The following GCNT1 variants were observed in gnomAD, a reference collection of about 807,000 sequenced individuals.
The protein encoded by GCNT1 is glucosaminyl (N-acetyl) transferase 1, also known as beta-1,3-galactosyl-O-glycosyl-glycoprotein beta-1,6-N-acetylglucosaminyltransferase.
A neutral mutation model predicts 26.2 loss-of-function variants in GCNT1; 16 were observed. The ratio of observed to expected loss-of-function variants is 0.61; its 90% CI spans 0.41 to 0.93. The LOEUF is 0.93. Ranked by LOEUF, GCNT1 falls within the 40% of genes least tolerant of loss-of-function variation. The pLI is 0.00. For synonymous variants in GCNT1, 183 were observed against 190.8 expected, an observed-to-expected ratio of 0.96 and a Z score of 0.34; for missense variants, 477 against 526.7, an observed-to-expected ratio of 0.91 and a Z score of 0.92.
intron 1 of GCNT1, among the ~76,000 whole-genome samples, chr9:76,446,767 G>A (rs1018387231): frequency 9.2e-5 from 14 of 152,132 alleles, no homozygotes; most frequent in African/African-American, 2.7e-4. Context: ...TTTTCCAAAC[G>A]TGTTAAGTGA....
intron 1 of GCNT1, among the ~76,000 whole-genome samples, chr9:76,427,499 CAG>C (rs1487569265): frequency 2.0e-5 from 3 of 151,962 alleles, no homozygotes; most frequent in Non-Finnish European, 4.4e-5. Flanking sequence ...ATACTTCTGA[CAG>C]GGGTATAAAT....
the GCNT1 span, chr9:76,393,977 G>A: frequency 2.1e-6 from 2 of 953,036 alleles, no homozygotes; most frequent in Non-Finnish European, 3.1e-6. Context: ...GGAAGGGTGT[G>A]CTCTCTGCCC....
chr9:76,437,067 C>A (rs1246827557), upstream of GCNT1, among the ~76,000 whole-genome samples: 4 of 151,692 alleles, frequency 2.6e-5, no homozygotes, highest in Admixed American at 1.3e-4. Flanking sequence ...TGTAGCAAAC[C>A]TGCACATTGT....
intron 1 of GCNT1, among the ~76,000 whole-genome samples, chr9:76,431,810 A>T (rs528164018): frequency 6.6e-6 from 1 of 152,212 alleles, no homozygotes; most frequent in East Asian, 1.9e-4. Context: ...AAAGACTCCT[A>T]TCCCTTAAGA....
intron 2 of GCNT1, among the ~76,000 whole-genome samples, chr9:76,478,516 G>A (rs1018695762): frequency 2.6e-5 from 4 of 152,178 alleles, no homozygotes; most frequent in African/African-American, 4.8e-5. Flanking sequence ...GGGAGGGTCC[G>A]CAGCTTCATT....
the GCNT1 span, chr9:76,399,450 G>A: frequency 1.3e-5 from 20 of 1,563,102 alleles, no homozygotes; most frequent in African/African-American, 2.0e-4. Context: ...TGGTCTGAAG[G>A]TGTACAGGTG....
intron 1 of GCNT1, among the ~76,000 whole-genome samples, chr9:76,445,631 G>A (rs908913361): frequency 2.0e-5 from 3 of 150,724 alleles, no homozygotes; most frequent in Admixed American, 6.6e-5. Context: ...GAGCTCAAGC[G>A]ATCCTCCCGC....
chr9:76,425,243 A>G (rs887438183), intron 1 of GCNT1, among the ~76,000 whole-genome samples: 6 of 151,526 alleles, frequency 4.0e-5, no homozygotes, highest in South Asian at 4.2e-4. Flanking sequence ...ATTTTTTCAG[A>G]CAGAGTTTCA....
At chr9:76,405,783 A>G in the GCNT1 span, among the ~76,000 whole-genome samples, 11 of 152,238 alleles carry the variant, frequency 7.2e-5, no homozygotes, top group South Asian at 1.9e-3. Flanking sequence ...TTATTTTCCT[A>G]TTCTCCTATT....
intron 2 of GCNT1, among the ~76,000 whole-genome samples, chr9:76,460,658 C>T (rs1823853113): frequency 6.6e-6 from 1 of 152,130 alleles, no homozygotes; most frequent in South Asian, 2.1e-4. Context: ...GAATTTTTTT[C>T]GGGCCCTTAA....
At chr9:76,467,806 C>G (rs1291340471) in intron 2 of GCNT1, among the ~76,000 whole-genome samples, 1 of 151,046 alleles carries the variant, frequency 6.6e-6, no homozygotes, top group African/African-American at 2.4e-5. Context: ...GAAGGACAGT[C>G]CTTTGGGGGT....
intron 1 of GCNT1, among the ~76,000 whole-genome samples, chr9:76,432,481 A>G (rs1823349344): frequency 6.6e-6 from 1 of 151,632 alleles, no homozygotes; most frequent in Admixed American, 6.6e-5. Context: ...CAGGGACTAC[A>G]GGCACGCAGC....
intron 1 of GCNT1, among the ~76,000 whole-genome samples, chr9:76,432,073 C>T (rs541723926): frequency 7.2e-5 from 11 of 152,030 alleles, no homozygotes; most frequent in Non-Finnish European, 1.6e-4. Flanking sequence ...TGCACCACTG[C>T]ACTCCAGCCT....
Position 76,502,502 on chromosome 9 carries a change from G to GT in GCNT1, c.122dup (p.Ser42LysfsTer13). ...AAGGATTCATCAAAAGCCTGAATTT[G>GT]TAAGTGTCAGACACTTGGAGCTTGC... On this transcript the variant is annotated frameshift_variant, in exon 4 of 4. Coordinates refer to ENST00000376730, the MANE Select transcript of GCNT1 (RefSeq NM_001490.5). LOFTEE classifies it high-confidence loss of function. 6.2e-7 allele frequency: 1 copy of GT among 1,613,866 alleles called. No individual in the cohort carries two copies.
At chr9:76,409,370 A>T in the GCNT1 span, among the ~76,000 whole-genome samples, 8 of 151,774 alleles carry the variant, frequency 5.3e-5, no homozygotes, top group Non-Finnish European at 1.0e-4. Flanking sequence ...AGGCTTATTG[A>T]TTTTATCAAA....
intron 2 of GCNT1, among the ~76,000 whole-genome samples, chr9:76,482,329 AAAG>A (rs1340939001): frequency 1.3e-5 from 2 of 152,190 alleles, no homozygotes; most frequent in South Asian, 2.1e-4. Flanking sequence ...ATTAAAAAAA[AAAG>A]AATCAGGGCT....
rs1823642610 is a variant in GCNT1, at chr9:76,450,185, G to A, written c.-290+7870G>A. Among the ~76,000 whole-genome samples, 3 of 152,088 alleles carry A rather than the reference G, an allele frequency of 2.0e-5. No homozygotes were observed. In the South Asian group the frequency reaches 6.2e-4, roughly 32 times the overall value. On this transcript the variant is annotated intron_variant, in intron 1 of 2. Coordinates refer to the GCNT1 transcript ENST00000442371. ...CCCACCCTATGAAAATACCAGTTTT[G>A]TTTCCATTTGCAATTCATCTTAACA...
chr9:76,456,897 A>C (rs111563098), upstream of GCNT1, among the ~76,000 whole-genome samples: 2 of 152,212 alleles, frequency 1.3e-5, no homozygotes, highest in Non-Finnish European at 2.9e-5. Flanking sequence ...TCACCTGAGC[A>C]GGGGTAAGTT....
intron 1 of GCNT1, among the ~76,000 whole-genome samples, chr9:76,432,554 G>A (rs1823350673): frequency 6.6e-6 from 1 of 152,172 alleles, no homozygotes; most frequent in African/African-American, 2.4e-5. Flanking sequence ...TGCCCAGGCT[G>A]GTTGAGAACT....
Sources: allele counts gnomAD v4.1 joint callset (sites outside exome capture counted in the v4.1 genomes callset), GRCh38; gene constraint gnomAD v4.1.1; transcripts MANE v1.5; gene names NCBI Gene and HGNC (gene_info 2026-07-23, HGNC 2026-07-21).